The following MCF2L variants were observed in gnomAD, a reference collection of about 807,000 sequenced individuals.
MCF2L encodes the protein MCF.2 cell line derived transforming sequence like, also known as guanine nucleotide exchange factor DBS.
A neutral mutation model predicts 153.4 loss-of-function variants in MCF2L; 97 were observed. The observed-to-expected ratio is 0.63, with a 90% CI of 0.54 to 0.75. The LOEUF is 0.75. Ranked by LOEUF, MCF2L falls within the 30% of genes least tolerant of loss-of-function variation. MCF2L has a pLI of 0.00. For missense variants in MCF2L, 1,347 were observed against 1,495.2 expected (o/e 0.90, Z 1.64); for synonymous variants, 659 against 632.2 (o/e 1.04, Z -0.64).
intron 1 of MCF2L, among the ~76,000 whole-genome samples, chr13:113,012,763 G>GCCCCCACGGTCTGT: frequency 8.2e-6 from 1 of 122,298 alleles, no homozygotes; most frequent in Non-Finnish European, 1.8e-5. Context: ...TGCGGACGGT[G>GCCCCCACGGTCTGT]GACAGGCGGT....
In MCF2L at chr13:113,097,281, A is replaced by AT. The variant is rs1280778683; in HGVS notation, c.*428dup. ...CTCTTTAGCTTTTACAAGTTTTAGG[A>AT]TTTTTTCAAGCAGGGATCAATCCCG... is the stretch of plus-strand genomic sequence containing the variant. On this transcript the variant is annotated 3_prime_UTR_variant, in exon 30 of 30. Transcript: ENST00000535094. 3.6e-5 allele frequency: 6 copies of AT among 166,084 alleles called. No individual in the cohort carries two copies. Among genetic ancestry groups the AT allele is most frequent in the East Asian group, 1.7e-4 (1 of 5,934 alleles). 10.3% of individuals were successfully genotyped at this position (166,084 alleles called of 1,614,324 possible).
At chr13:112,916,706 C>A (rs1428683079) in intron 2 of MCF2L, among the ~76,000 whole-genome samples, 1 of 152,104 alleles carries the variant, frequency 6.6e-6, no homozygotes, top group Non-Finnish European at 1.5e-5. Flanking sequence ...AGTCTCTGAG[C>A]CACAGTGGTC....
At chr13:112,991,690 T>G (rs1402407505) in intron 1 of MCF2L, among the ~76,000 whole-genome samples, 1 of 152,242 alleles carries the variant, frequency 6.6e-6, no homozygotes, top group Non-Finnish European at 1.5e-5. Context: ...TTGCTGTTTG[T>G]GACCCTGATT....
chr13:113,055,462 G>A (rs1299989433), intron 4 of MCF2L, among the ~76,000 whole-genome samples: 1 of 132,818 alleles, frequency 7.5e-6, no homozygotes, highest in Non-Finnish European at 1.5e-5. Context: ...TCATCTCTGA[G>A]CTTCAGGCTC....
At chr13:113,092,787 T>TC (rs1292559643) in intron 26 of MCF2L, among the ~76,000 whole-genome samples, 3 of 152,142 alleles carry the variant, frequency 2.0e-5, no homozygotes, top group African/African-American at 7.2e-5. Context: ...GCTGTTGGCC[T>TC]CCCCCGCGCC....
At chr13:113,060,827 A>G (rs1381831828) in intron 5 of MCF2L, 115 bp downstream of exon 5, 1 of 1,424,244 alleles carries the variant, frequency 7.0e-7, no homozygotes, top group Non-Finnish European at 9.5e-7. Flanking sequence ...ACGGTCAACA[A>G]AACCCCGCAG....
chr13:112,969,876 G>C lies in MCF2L; in HGVS notation c.79+418G>C, dbSNP rs1009769843. Reference sequence around the variant, plus strand: ...GAAGCTACCTGGAAGCTCGTTTTGAGGATGAAAAAACCTGGACTAATCAGG... The same window carrying C: ...GAAGCTACCTGGAAGCTCGTTTTGACGATGAAAAAACCTGGACTAATCAGG... On this transcript the variant is annotated intron_variant, in intron 1 of 29. Transcript: ENST00000535094. The surrounding 1 kb of genome is among the most constrained non-coding windows in gnomAD (Gnocchi z 4.8). Among the ~76,000 whole-genome samples the C allele has an allele frequency of 3.3e-5, 5 of 152,124 alleles. No individual in the cohort carries two copies. Among genetic ancestry groups the C allele is most frequent in the Admixed American group, 2.0e-4 (3 of 15,272 alleles).
intron 11 of MCF2L, 66 bp from the exon 12 acceptor site, chr13:113,075,900 C>G: frequency 7.5e-7 from 1 of 1,327,940 alleles, no homozygotes; most frequent in Non-Finnish European, 1.0e-6. Flanking sequence ...GCAGTGTGTG[C>G]CTGGACAGGG....
chr13:112,903,137 GC>G (rs1320382100), intron 2 of MCF2L, among the ~76,000 whole-genome samples: 1 of 152,244 alleles, frequency 6.6e-6, no homozygotes, highest in Non-Finnish European at 1.5e-5. Context: ...ATGGCCGGGT[GC>G]TGGCCTGGCA....
intron 3 of MCF2L, among the ~76,000 whole-genome samples, chr13:113,034,834 G>T (rs1055932640): frequency 4.6e-5 from 7 of 152,362 alleles, no homozygotes; most frequent in African/African-American, 1.4e-4. Flanking sequence ...CCGGAGGTTA[G>T]GGGCTGCTGT....
At chr13:113,020,860 G>GTGTGTATATGTGTGTA (rs1307728353) in intron 2 of MCF2L, among the ~76,000 whole-genome samples, 1 of 146,722 alleles carries the variant, frequency 6.8e-6, no homozygotes, top group South Asian at 2.1e-4. Flanking sequence ...TGTATGTGTA[G>GTGTGTATATGTGTGTA]TGTGTATATG....
At chr13:113,075,831 G>T in intron 11 of MCF2L, 135 bp from the exon 12 acceptor site, 2 of 660,076 alleles carry the variant, frequency 3.0e-6, no homozygotes, top group Non-Finnish European at 5.1e-6. Flanking sequence ...GGGTGCTTTG[G>T]ACAGGGTGGC....
intron 2 of MCF2L, among the ~76,000 whole-genome samples, chr13:112,940,341 C>T (rs892417726): frequency 5.3e-5 from 8 of 152,346 alleles, no homozygotes; most frequent in African/African-American, 1.9e-4. Flanking sequence ...TTCATGAATG[C>T]ATCTCCAGTG....
chr13:112,930,140 G>A (rs1266496298), intron 2 of MCF2L, among the ~76,000 whole-genome samples: 5 of 152,144 alleles, frequency 3.3e-5, no homozygotes, highest in East Asian at 1.9e-4. Flanking sequence ...CAGTATGGCC[G>A]TTACTTCCAA....
intron 2 of MCF2L, chr13:112,957,077 T>C (rs2081766942): frequency 6.6e-6 from 1 of 152,090 alleles, no homozygotes; most frequent in African/African-American, 2.4e-5. Flanking sequence ...CAGAGCCTTA[T>C]TTACAGGCCG....
At chr13:113,072,162 C>T (rs2141891577) in intron 9 of MCF2L, among the ~76,000 whole-genome samples, 1 of 152,284 alleles carries the variant, frequency 6.6e-6, no homozygotes, top group Non-Finnish European at 1.5e-5. Flanking sequence ...CATAGAAACA[C>T]AATTGATTTT....
Position 113,027,097 on chromosome 13 carries a change from A to G in MCF2L, c.278+2339A>G. On this transcript the variant is annotated intron_variant, in intron 3 of 29. Transcript: ENST00000535094. This position sits in a 1 kb window ranked among gnomAD's most constrained non-coding sequence, Gnocchi z 4.8. ...GGCATCTGTATCCCGCACATTACAT[A>G]AGGTGGCAAAACACAGAGGAGATGT... 1.4e-6 allele frequency: 1 copy of G among 735,246 alleles called. No individual in the cohort carries two copies. Among genetic ancestry groups the G allele is most frequent in the Non-Finnish European group, 2.5e-6 (1 of 401,976 alleles). The allele number at this position is 735,246 out of a possible 1,614,324, so 45.5% of individuals were successfully genotyped here.
chr13:112,903,295 G>A (rs146292528), intron 2 of MCF2L, among the ~76,000 whole-genome samples: 2 of 152,302 alleles, frequency 1.3e-5, no homozygotes, highest in East Asian at 1.9e-4. Flanking sequence ...TGGCATTTGC[G>A]CTGATTAGTG....
chr13:112,996,729 AG>A (rs2083150616), intron 1 of MCF2L, among the ~76,000 whole-genome samples: 1 of 152,208 alleles, frequency 6.6e-6, no homozygotes, highest in Admixed American at 6.5e-5. Flanking sequence ...GATGGCATCC[AG>A]GCTCCTGGTG....
Sources: allele counts gnomAD v4.1 joint callset (sites outside exome capture counted in the v4.1 genomes callset), GRCh38; gene constraint gnomAD v4.1.1; non-coding constraint Gnocchi (gnomAD v3.1); transcripts MANE v1.5; gene names NCBI Gene and HGNC (gene_info 2026-07-23, HGNC 2026-07-21).